TANC1: variants seen among roughly 807,000 people sequenced by gnomAD.
TANC1 encodes tetratricopeptide repeat, ankyrin repeat and coiled-coil containing 1.
TANC1 carries 77 observed loss-of-function variants against 149.7 expected under a neutral mutation model. That is an observed-to-expected ratio of 0.51 (90% CI 0.43 to 0.62). The LOEUF (loss-of-function observed/expected upper bound fraction) is 0.62. Among genes scored for constraint, TANC1 ranks in the 20% least tolerant of loss-of-function variants. The pLI, the probability that TANC1 is intolerant of heterozygous loss-of-function variation, is 0.00. For missense variants in TANC1, 1,985 were observed against 2,321.8 expected (o/e 0.85, Z 2.98); for synonymous variants, 854 against 925.0 (o/e 0.92, Z 1.39).
intron 1 of TANC1, among the ~76,000 whole-genome samples, chr2:158,978,143 TCTTAC>T (rs2033907720): frequency 6.6e-6 from 1 of 152,190 alleles, no homozygotes; most frequent in African/African-American, 2.4e-5. Flanking sequence ...GGGGGTCCTG[TCTTAC>T]CTTTCTCATT....
At chr2:159,020,747 A>G (rs977522172) in intron 2 of TANC1, among the ~76,000 whole-genome samples, 6 of 152,318 alleles carry the variant, frequency 3.9e-5, no homozygotes, top group Middle Eastern at 3.4e-3. Context: ...ACTTTAAGAA[A>G]ATTTAAGAGT....
chr2:159,077,055 T>C (rs1046598602), intron 3 of TANC1, among the ~76,000 whole-genome samples: 8 of 152,094 alleles, frequency 5.3e-5, no homozygotes, highest in Non-Finnish European at 5.9e-5. Context: ...TACATGGTCT[T>C]GATCTAGACT....
chr2:159,029,545 G>A (rs1347612200), intron 2 of TANC1, among the ~76,000 whole-genome samples: 1 of 152,120 alleles, frequency 6.6e-6, no homozygotes, highest in South Asian at 2.1e-4. Flanking sequence ...TAAGTACTTA[G>A]TATTTCTTGC....
At chr2:159,056,961 C>A (rs1484817999) in intron 2 of TANC1, 1 of 210,986 alleles carries the variant, frequency 4.7e-6, no homozygotes, top group Non-Finnish European at 1.0e-5. Context: ...TTCCACTAAC[C>A]CAGAACCATA....
intron 19 of TANC1, among the ~76,000 whole-genome samples, chr2:159,201,609 GTGTTTTGTGTC>G (rs2058254949): frequency 6.6e-6 from 1 of 152,150 alleles, no homozygotes; most frequent in Admixed American, 6.5e-5. Context: ...GTAGTCAATG[GTGTTTTGTGTC>G]CAAAACACTC....
At chr2:158,974,400 A>G (rs1190732308) in intron 1 of TANC1, among the ~76,000 whole-genome samples, 1 of 152,234 alleles carries the variant, frequency 6.6e-6, no homozygotes, top group Non-Finnish European at 1.5e-5. Context: ...TATTATTTGC[A>G]TATAGCTTAT....
chr2:159,017,022 C>T (rs111412486), intron 2 of TANC1, among the ~76,000 whole-genome samples: 29 of 149,914 alleles, frequency 1.9e-4, no homozygotes, highest in Admixed American at 4.6e-4. Flanking sequence ...AATTTATCTC[C>T]GCCCTGTTTG....
chr2:159,007,136 C>CTT (rs2037267979), intron 2 of TANC1, among the ~76,000 whole-genome samples: 3 of 121,634 alleles, frequency 2.5e-5, no homozygotes, highest in East Asian at 2.9e-4. Flanking sequence ...ATCTTTAATA[C>CTT]TGTTTTTTTT....
intron 3 of TANC1, among the ~76,000 whole-genome samples, chr2:159,086,811 C>T (rs2044915201): frequency 6.6e-6 from 1 of 152,066 alleles, no homozygotes; most frequent in Non-Finnish European, 1.5e-5. Flanking sequence ...ACTTTTGGGT[C>T]ATGTATCTTA....
chr2:158,970,502 G>A (rs72953163), intron 1 of TANC1, among the ~76,000 whole-genome samples: 2,369 of 152,282 alleles, frequency 0.016, 34 homozygotes, highest in South Asian at 0.041. Context: ...ACTCATCTAA[G>A]CTACTTAAAG....
At chr2:159,124,106 C>A (rs564618864) in intron 4 of TANC1, among the ~76,000 whole-genome samples, 11 of 152,232 alleles carry the variant, frequency 7.2e-5, no homozygotes, top group African/African-American at 2.6e-4. Context: ...ACCTATAATC[C>A]CAGCACTTTG....
intron 1 of TANC1, among the ~76,000 whole-genome samples, chr2:158,969,791 G>A (rs1334712901): frequency 6.6e-6 from 1 of 152,250 alleles, no homozygotes; most frequent in African/African-American, 2.4e-5. Context: ...CTGCGGCCAA[G>A]GGGCGGAGGA....
chr2:159,176,437 G>A lies in TANC1; in HGVS notation c.1821G>A (p.Thr607=), dbSNP rs375222662. 15 of 1,592,870 alleles carry A rather than the reference G, an allele frequency of 9.4e-6. No individual in the cohort carries two copies. The highest frequency in any genetic ancestry group is 4.5e-5 in the East Asian group (2 of 44,160). ...AEFHKPDYGD[T]LSSFITKIIS... ...TTCATAAACCTGATTATGGAGATAC[G>A]CTTTCTTCATTTATTACCAAAATTA... The change falls in exon 13 of 27, where the codon ACG becomes ACA. Residue 607 remains threonine (T), a synonymous_variant. Transcript: ENST00000263635.
chr2:158,970,687 G>C (rs2032736135), intron 1 of TANC1, among the ~76,000 whole-genome samples: 1 of 152,186 alleles, frequency 6.6e-6, no homozygotes, highest in Non-Finnish European at 1.5e-5. Context: ...TTCCTCCTAG[G>C]GTTGTTCCTG....
chr2:159,031,441 G>A (rs886193228), intron 2 of TANC1, among the ~76,000 whole-genome samples: 5 of 152,170 alleles, frequency 3.3e-5, no homozygotes, highest in Admixed American at 3.3e-4. Flanking sequence ...TGGGTCTTAG[G>A]GTGTAAGGTA....
intron 11 of TANC1, among the ~76,000 whole-genome samples, chr2:159,173,060 A>G (rs2055425760): frequency 6.6e-6 from 1 of 152,182 alleles, no homozygotes; most frequent in Non-Finnish European, 1.5e-5. Context: ...CCACTGGTTC[A>G]GAACAGTCCT....
At position 159,062,899 on chromosome 2, in the gene TANC1, G is replaced by A. The variant is rs569927898; in HGVS notation, c.-15-2997G>A. Among the ~76,000 whole-genome samples, 8 of 144,290 alleles carry A rather than the reference G, an allele frequency of 5.5e-5. No homozygotes were observed. The South Asian group carries it at 6.7e-4, about 12-fold the overall frequency. 94.7% of individuals were successfully genotyped at this position (144,290 alleles called of 152,430 possible). ...GGAGAATGGCGTGAACCCGGGAAGC[G>A]GAGCTTGCAGTGAGCCGAGATTGCA... On this transcript the variant is annotated intron_variant, in intron 2 of 26. Coordinates refer to ENST00000263635, the MANE Select transcript of TANC1 (RefSeq NM_033394.3).
chr2:159,095,096 C>T (rs1350081082), intron 3 of TANC1, among the ~76,000 whole-genome samples: 1 of 152,058 alleles, frequency 6.6e-6, no homozygotes, highest in African/African-American at 2.4e-5. Context: ...CCGGTGCCCA[C>T]CACCATGCCC....
At chr2:159,190,308 C>G (rs1263075014) in intron 16 of TANC1, among the ~76,000 whole-genome samples, 1 of 152,186 alleles carries the variant, frequency 6.6e-6, no homozygotes, top group Non-Finnish European at 1.5e-5. Context: ...CAGAATGTAA[C>G]TGGCTGGCAA....
Sources: gnomAD v4.1 joint callset for allele counts (sites outside exome capture counted in the v4.1 genomes callset) on GRCh38, gnomAD v4.1.1 for gene constraint, MANE v1.5 for transcripts, NCBI Gene and HGNC (gene_info 2026-07-23, HGNC 2026-07-21) for gene names.